TBC1D17: variants seen among roughly 807,000 people sequenced by gnomAD.
The protein encoded by TBC1D17 is TBC1 domain family, member 17.
TBC1D17 carries 69 observed loss-of-function variants against 78.8 expected under a neutral mutation model. The observed-to-expected ratio is 0.88, with a 90% confidence interval of 0.72 to 1.07. The LOEUF (loss-of-function observed/expected upper bound fraction) is 1.07, where lower values mean the gene tolerates loss of function less well. Ranked by LOEUF, TBC1D17 falls within the 50% of genes least tolerant of loss-of-function variation. TBC1D17 has a pLI of 0.00. For synonymous variants in TBC1D17, 456 were observed against 358.3 expected (o/e 1.27, Z -3.08); for missense variants, 957 against 861.0 (o/e 1.11, Z -1.39).
chr19:49,880,124 C>G (rs1203877641), intron 3 of TBC1D17, among the ~76,000 whole-genome samples, 155 bp from the exon 4 acceptor site: 11 of 152,186 alleles, frequency 7.2e-5, no homozygotes, highest in Non-Finnish European at 1.3e-4. Context: ...TCCCAAAGTG[C>G]TGGGATTACA....
chr19:49,881,847 T>TTGGCCAGCCCCGAGTCATG (rs1372531699), intron 5 of TBC1D17, among the ~76,000 whole-genome samples, 194 bp from the exon 6 acceptor site: 56 of 152,228 alleles, frequency 3.7e-4, no homozygotes, highest in African/African-American at 1.3e-3. Context: ...AAGGCCCTCA[T>TTGGCCAGCCCCGAGTCATG]TGGCCAGCCC....
Position 49,878,486 on chromosome 19 carries a change from T to A in TBC1D17, c.121-12T>A. On this transcript the variant is annotated splice_polypyrimidine_tract_variant and intron_variant, in intron 2 of 16. Transcript: ENST00000221543. ...GGGAGCGCCTCTAACCCCGCCTCCCTCCTTACCCTAGGACAATGACGTCCT... is the reference window on the plus strand; with the variant it reads ...GGGAGCGCCTCTAACCCCGCCTCCCACCTTACCCTAGGACAATGACGTCCT... 6.2e-7 allele frequency: 1 copy of A among 1,613,468 alleles called. No individual in the cohort carries two copies. The highest frequency in any genetic ancestry group is 1.1e-5 in the South Asian group (1 of 91,064).
chr19:49,881,619 T>C, intron 5 of TBC1D17, 144 bp downstream of exon 5: 1 of 808,948 alleles, frequency 1.2e-6, no homozygotes, highest in Non-Finnish European at 1.9e-6. Context: ...AACTAAAAAG[T>C]CAAAAAGGAG....
rs777470390 is a variant in TBC1D17 at position 49,887,551 on chromosome 19, C to T, written c.1520C>T (p.Pro507Leu). The T allele has an allele frequency of 1.2e-6, 2 of 1,614,184 alleles. No homozygotes were observed. The highest frequency in any genetic ancestry group is 1.7e-5 in the Admixed American group (1 of 60,026). Residue 507 changes from proline to leucine, a missense_variant, in exon 14 of 17, where the codon CCG becomes CTG. Pro to Leu is a moderately conservative substitution (Grantham distance 98, BLOSUM62 -3). Coordinates refer to ENST00000221543, the MANE Select transcript of TBC1D17 (RefSeq NM_024682.3). ...TGGTTCAAGAGGGAATTCCCCTTCC[C>T]GGATGTCCTTCGGCTGTGGGAGGTG... is the stretch of plus-strand genomic sequence containing the variant. Reference protein sequence around the residue: ...LIWFKREFPFPDVLRLWEVLW... With the variant: ...LIWFKREFPFLDVLRLWEVLW...
At chr19:49,880,119 A>G (rs1038294971) in intron 3 of TBC1D17, among the ~76,000 whole-genome samples, 160 bp from the exon 4 acceptor site, 3 of 152,054 alleles carry the variant, frequency 2.0e-5, no homozygotes, top group African/African-American at 7.2e-5. Context: ...CAGCCTCCCA[A>G]AGTGCTGGGA....
chr19:49,888,670 A>G lies in TBC1D17; in HGVS notation c.*46A>G. The G allele has an allele frequency of 6.7e-7, 1 of 1,485,110 alleles. No individual in the cohort carries two copies. Among genetic ancestry groups the G allele is most frequent in the Non-Finnish European group, 9.0e-7 (1 of 1,115,366 alleles). The allele number at this position is 1,485,110 out of a possible 1,614,324, so 92.0% of individuals were successfully genotyped here. A position where few individuals can be genotyped will look rare whatever the true frequency, so the allele number is the denominator to read the frequency against. ...CTGCACAGGCACTTTAGCCCGAGCC[A>G]GGCACACCTGCGAGGGGGCAGGTGT... On this transcript the variant is annotated 3_prime_UTR_variant, in exon 17 of 17. Transcript: ENST00000221543.
chr19:49,888,616 G>A lies in TBC1D17; in HGVS notation c.1939G>A (p.Asp647Asn), dbSNP rs1463023337. The change falls in exon 17 of 17, where the codon GAC (aspartate) becomes AAC (asparagine). Residue 647 changes from aspartate (D) to asparagine (N), a missense_variant. Asp to Asn is a conservative substitution (Grantham distance 23, BLOSUM62 1). Transcript: ENST00000221543. The stretch of plus-strand genomic sequence containing the variant: ...GCCCGAGGAGGAGGACGAGGGCGCC[G>A]ACTCCTAACCCCGCCAGGCAGCCTC... ...ILPEEEDEGA[D>N]S is the part of the protein sequence containing the mutation. 3 of 1,510,066 alleles carry A rather than the reference G, an allele frequency of 2.0e-6. No individual in the cohort carries two copies. The highest frequency in any genetic ancestry group is 2.4e-5 in the South Asian group (2 of 83,126). 93.5% of individuals were successfully genotyped at this position (1,510,066 alleles called of 1,614,324 possible).
intron 13 of TBC1D17, chr19:49,887,172 T>C (rs1256615298): frequency 1.2e-5 from 5 of 400,168 alleles, no homozygotes; most frequent in Admixed American, 1.1e-4. Flanking sequence ...TATCTAGGAG[T>C]GTCAGTTCCC....
chr19:49,886,233 C>A (rs527583784), intron 13 of TBC1D17, among the ~76,000 whole-genome samples: 4 of 151,944 alleles, frequency 2.6e-5, no homozygotes, highest in East Asian at 3.9e-4. Context: ...CCAGCCTGGG[C>A]GACAGAGCGA....
At chr19:49,886,635 GT>G (rs2075060666) in intron 13 of TBC1D17, 1 of 152,060 alleles carries the variant, frequency 6.6e-6, no homozygotes, top group Non-Finnish European at 1.5e-5. Flanking sequence ...TCTTCTTTAG[GT>G]TCACTTCCAA....
At position 49,884,373 on chromosome 19, in the gene TBC1D17, G is replaced by A. The variant is rs2075041244; in HGVS notation, c.1243+4G>A. On this transcript the variant is annotated splice_donor_region_variant and intron_variant, in intron 11 of 16. Coordinates refer to ENST00000221543, the MANE Select transcript of TBC1D17 (RefSeq NM_024682.3). ...TGCATGTATCACTTCGACCTCGGTGGGTGCCAGGCCTGGGGACGGGCGTGG... is the reference window on the plus strand; with the variant it reads ...TGCATGTATCACTTCGACCTCGGTGAGTGCCAGGCCTGGGGACGGGCGTGG... 1 of 1,613,956 alleles carries A rather than the reference G, an allele frequency of 6.2e-7. No individual in the cohort carries two copies. The highest frequency in any genetic ancestry group is 1.1e-5 in the South Asian group (1 of 91,088).
intron 10 of TBC1D17, 63 bp downstream of exon 10, chr19:49,883,808 A>G: frequency 7.0e-7 from 1 of 1,438,294 alleles, no homozygotes; most frequent in East Asian, 2.3e-5. Context: ...GGCCTCAGGC[A>G]TAAGTGCGAG....
chr19:49,883,548 G>C (rs2075034025), intron 9 of TBC1D17, 103 bp from the exon 10 acceptor site: 1 of 920,710 alleles, frequency 1.1e-6, no homozygotes, highest in South Asian at 1.5e-5. Flanking sequence ...TGTGGTCAGG[G>C]AGGGGCTCTG....
chr19:49,882,988 C>T lies in TBC1D17; in HGVS notation c.943C>T (p.Leu315=), dbSNP rs1047256594. 6.2e-7 allele frequency: 1 copy of T among 1,610,328 alleles called. No homozygotes were observed. The stretch of plus-strand genomic sequence containing the variant: ...GCACCCCCAGGGTCTGAGCCCCAGC[C>T]TGCGGCGCGAGGCCTGGAAGTTCCT... ...RIFSGGLSPS[L]RREAWKFLLG... Residue 315 remains leucine, a synonymous_variant, in exon 9 of 17, where the codon CTG becomes TTG. Coordinates refer to ENST00000221543, the MANE Select transcript of TBC1D17 (RefSeq NM_024682.3).
In TBC1D17 at chr19:49,878,166, G is replaced by A; in HGVS notation, c.45G>A (p.Val15=). ...GYRVVFEKGG[V]YLHTSAKKYQ... is the part of the protein sequence containing the mutation. ...AGGTGGTGTTTGAGAAGGGCGGAGT[G>A]TACCTGCACACCAGCGCTAAGAAGT... The change falls in exon 2 of 17, where the codon GTG becomes GTA. Residue 15 remains valine, a synonymous_variant. Transcript: ENST00000221543. 1 of 1,578,218 alleles carries A rather than the reference G, an allele frequency of 6.3e-7. No homozygotes were observed. The highest frequency in any genetic ancestry group is 8.6e-7 in the Non-Finnish European group (1 of 1,162,466).
intron 9 of TBC1D17, 121 bp downstream of exon 9, chr19:49,883,197 T>G (rs991807629): frequency 2.3e-6 from 2 of 859,672 alleles, no homozygotes; most frequent in Non-Finnish European, 3.6e-6. Context: ...ATCCTGCGCC[T>G]GTGGAATACG....
chr19:49,887,243 C>G (rs1242176595), intron 13 of TBC1D17: 1 of 535,926 alleles, frequency 1.9e-6, no homozygotes, highest in Admixed American at 3.1e-5. Flanking sequence ...CGTCCTGCCT[C>G]CCTTCCATGT....
chr19:49,881,410 G>A lies in TBC1D17; in HGVS notation c.462G>A (p.Leu154=), dbSNP rs746410145. 6.2e-7 allele frequency: 1 copy of A among 1,612,876 alleles called. No homozygotes were observed. The change falls in exon 5 of 17, where the codon CTG becomes CTA. Residue 154 remains leucine (L), a synonymous_variant. Coordinates refer to ENST00000221543, the MANE Select transcript of TBC1D17 (RefSeq NM_024682.3). ...VTQAGGSLPA[L]HFHRGGTRAL... ...AGGCTGGAGGTTCCCTGCCCGCACT[G>A]CACTTCCACCGCGGGGGCACCCGCG...
At chr19:49,888,160 G>A (rs549234256) in intron 15 of TBC1D17, 71 bp from the exon 16 acceptor site, 1 of 1,548,682 alleles carries the variant, frequency 6.5e-7, no homozygotes, top group Non-Finnish European at 8.7e-7. Context: ...TTCCCAGCAC[G>A]AAGCACAGAG....
Sources: gnomAD v4.1 joint callset for allele counts (sites outside exome capture counted in the v4.1 genomes callset) on GRCh38, gnomAD v4.1.1 for gene constraint, MANE v1.5 for transcripts, NCBI Gene and HGNC (gene_info 2026-07-23, HGNC 2026-07-21) for gene names.